DNAH2: variants seen among roughly 807,000 people sequenced by gnomAD.
The protein encoded by DNAH2 is dynein axonemal heavy chain 2.
A neutral mutation model predicts 523.5 loss-of-function variants in DNAH2; 323 were observed. The observed-to-expected ratio is 0.62, with a 90% confidence interval of 0.56 to 0.68. The LOEUF (loss-of-function observed/expected upper bound fraction) is 0.68, where lower values mean the gene tolerates loss of function less well. DNAH2 is among the 30% of genes least tolerant of loss of function. The pLI is 0.00. For missense variants in DNAH2, 4,907 were observed against 5,701.5 expected (o/e 0.86, Z 4.49); for synonymous variants, 2,093 against 2,177.4 (o/e 0.96, Z 1.08).
intron 67 of DNAH2, 26 bp from the exon 68 acceptor site, chr17:7,817,919 TC>T (rs748159697): frequency 3.1e-6 from 5 of 1,613,980 alleles, no homozygotes; most frequent in East Asian, 2.2e-5. Flanking sequence ...CCCGTAGTGT[TC>T]CTTCACCTTC....
At chr17:7,755,319 G>A (rs1475792875) in intron 12 of DNAH2, among the ~76,000 whole-genome samples, 1 of 147,628 alleles carries the variant, frequency 6.8e-6, no homozygotes, top group African/African-American at 2.5e-5. Flanking sequence ...GCCAAGCTGT[G>A]TGGTCATGTG....
intron 9 of DNAH2, 48 bp downstream of exon 9, chr17:7,739,986 C>A (rs2075260981): frequency 6.3e-7 from 1 of 1,598,860 alleles, no homozygotes; most frequent in Non-Finnish European, 8.5e-7. Context: ...GAAGGCAGAT[C>A]AGGCAGCCAA....
At chr17:7,766,929 T>G (rs1327908964) in intron 22 of DNAH2, among the ~76,000 whole-genome samples, 1 of 152,054 alleles carries the variant, frequency 6.6e-6, no homozygotes, top group Non-Finnish European at 1.5e-5. Flanking sequence ...GGATTACAGG[T>G]GTGAGCCACC....
chr17:7,741,266 CTT>C (rs2075317101), intron 11 of DNAH2, among the ~76,000 whole-genome samples: 4 of 47,054 alleles, frequency 8.5e-5, no homozygotes, highest in African/African-American at 3.7e-4. Flanking sequence ...TTCTTTCTTT[CTT>C]TCTTTCTTTC....
chr17:7,723,795 T>C, intron 3 of DNAH2, 106 bp downstream of exon 3: 1 of 976,202 alleles, frequency 1.0e-6, no homozygotes, highest in Non-Finnish European at 1.6e-6. Flanking sequence ...CTGCCACTTC[T>C]TCTACTTGCT....
chr17:7,821,102 C>A lies in DNAH2; in HGVS notation c.11016-141C>A. ...TCTTGTGTCTAGGCCCCTGAGTCCT[C>A]AGCTGTTTCCAGGAGGTTAGGATTA... On this transcript the variant is annotated intron_variant, in intron 72 of 85. Transcript: ENST00000572933. This position sits in a 1 kb window ranked among gnomAD's most constrained non-coding sequence, Gnocchi z 5.0. The A allele has an allele frequency of 8.4e-7, 1 of 1,189,218 alleles. No individual in the cohort carries two copies. The highest frequency in any genetic ancestry group is 1.7e-5 in the South Asian group (1 of 58,172). The allele number at this position is 1,189,218 out of a possible 1,614,324, so 73.7% of individuals were successfully genotyped here. A position where few individuals can be genotyped will look rare whatever the true frequency, so the allele number is the denominator to read the frequency against.
At position 7,760,991 on chromosome 17, in the gene DNAH2, G is replaced by T. The variant is rs2075989832; in HGVS notation, c.2978+59G>T. ...TAGGAGGCACAGCACTGCAGGAGGA[G>T]CCCAGGCCTAGAGTCTTGGGAAGTG... On this transcript the variant is annotated intron_variant, in intron 18 of 85. Coordinates refer to ENST00000572933, the MANE Select transcript of DNAH2 (RefSeq NM_020877.5). This position sits in a 1 kb window ranked among gnomAD's most constrained non-coding sequence, Gnocchi z 4.0. The T allele has an allele frequency of 5.7e-6, 9 of 1,591,936 alleles. No individual in the cohort carries two copies. Among genetic ancestry groups the T allele is most frequent in the African/African-American group, 1.3e-5 (1 of 74,440 alleles).
chr17:7,734,233 G>A lies in DNAH2; in HGVS notation c.679G>A (p.Ala227Thr). ...CACGGTCCTCTACATCCCTGCAGAG[G>A]CCATGAACATGAAGCCTGAGATGGT... ...GHTVLYIPAE[A>T]MNMKPEMVIK... is the part of the protein sequence containing the mutation. Residue 227 changes from alanine (A) to threonine (T), a missense_variant, in exon 6 of 86, where the codon GCC (alanine) becomes ACC (threonine). Physicochemically the swap from Ala to Thr is moderately conservative, Grantham distance 58 (BLOSUM62 0). Around this residue, in one of 3 missense-constraint regions of DNAH2, gnomAD observed 2,806 missense variants for 3,190.8 expected, o/e 0.88. Transcript: ENST00000572933. The A allele has an allele frequency of 6.2e-7, 1 of 1,606,846 alleles. No individual in the cohort carries two copies. Among genetic ancestry groups the A allele is most frequent in the Non-Finnish European group, 8.5e-7 (1 of 1,176,516 alleles).
intron 18 of DNAH2, among the ~76,000 whole-genome samples, chr17:7,762,331 CTTTTTTTTT>C (rs35824439): frequency 8.9e-6 from 1 of 111,834 alleles, no homozygotes; most frequent in Non-Finnish European, 1.8e-5. Flanking sequence ...CGTAGGATTT[CTTTTTTTTT>C]TTTTTTTTTT....
At chr17:7,800,261 G>A (rs560717700) in intron 56 of DNAH2, among the ~76,000 whole-genome samples, 3 of 152,194 alleles carry the variant, frequency 2.0e-5, no homozygotes, top group South Asian at 2.1e-4. Flanking sequence ...ATGTTGGTCT[G>A]GCTGATCTCA....
chr17:7,732,620 G>A (rs575558567), intron 4 of DNAH2, among the ~76,000 whole-genome samples: 1 of 152,136 alleles, frequency 6.6e-6, no homozygotes, highest in East Asian at 1.9e-4. Flanking sequence ...AACCACAAAA[G>A]CCATAAGCAA....
intron 3 of DNAH2, among the ~76,000 whole-genome samples, chr17:7,725,359 G>C (rs2074765137): frequency 6.7e-6 from 1 of 148,838 alleles, no homozygotes; most frequent in Non-Finnish European, 1.5e-5. Flanking sequence ...CAAAGTGCTG[G>C]GATTACAGGT....
At position 7,760,730 on chromosome 17, in the gene DNAH2, T is replaced by G. The variant is rs2075981343; in HGVS notation, c.2786-10T>G. The G allele has an allele frequency of 6.2e-7, 1 of 1,610,200 alleles. No homozygotes were observed. Among genetic ancestry groups the G allele is most frequent in the Non-Finnish European group, 8.5e-7 (1 of 1,177,490 alleles). On this transcript the variant is annotated splice_polypyrimidine_tract_variant and intron_variant, in intron 17 of 85. Transcript: ENST00000572933. The surrounding 1 kb of genome is among the most constrained non-coding windows in gnomAD (Gnocchi z 4.0). ...AGTCAGTGAGAAGCATCTTTCTTGG[T>G]CCTTTGAAGAGCAAGATGAGGACAT...
At chr17:7,781,292 T>G in intron 39 of DNAH2, 125 bp downstream of exon 39, 1 of 1,093,602 alleles carries the variant, frequency 9.1e-7, no homozygotes, top group Non-Finnish European at 1.4e-6. Flanking sequence ...CTGGGCAACA[T>G]GGTGAAACCC....
At chr17:7,761,095 A>C (rs1301832723) in intron 18 of DNAH2, among the ~76,000 whole-genome samples, 163 bp downstream of exon 18, 1 of 152,122 alleles carries the variant, frequency 6.6e-6, no homozygotes. Flanking sequence ...TTTGCTTCTC[A>C]AGGGGTAGAG....
At position 7,799,233 on chromosome 17, in the gene DNAH2, A is replaced by T; in HGVS notation, c.8690A>T (p.Asp2897Val). The T allele has an allele frequency of 6.2e-7, 1 of 1,614,118 alleles. No individual in the cohort carries two copies. Among genetic ancestry groups the T allele is most frequent in the Non-Finnish European group, 8.5e-7 (1 of 1,180,010 alleles). ...HIVLCLSPMGDPFRNWIRQYP... is the reference protein window; with the variant it reads ...HIVLCLSPMGVPFRNWIRQYP... Reference sequence around the variant, plus strand: ...GTGCTCTGCCTCAGCCCCATGGGGGATCCCTTCAGGTGACTTCTGTGACAT... The same window carrying T: ...GTGCTCTGCCTCAGCCCCATGGGGGTTCCCTTCAGGTGACTTCTGTGACAT... The change falls in exon 56 of 86, where the codon GAT becomes GTT. Residue 2897 changes from aspartate to valine, a missense_variant. Asp to Val is a radical substitution (Grantham distance 152). This residue lies in a region of DNAH2 where 1,851 missense variants were observed against 2,139.4 expected (regional missense o/e 0.87). Coordinates refer to ENST00000572933, the MANE Select transcript of DNAH2 (RefSeq NM_020877.5).
chr17:7,757,093 C>G lies in DNAH2; in HGVS notation c.1907C>G (p.Ser636Cys). The G allele has an allele frequency of 6.2e-7, 1 of 1,614,134 alleles. No homozygotes were observed. The highest frequency in any genetic ancestry group is 8.5e-7 in the Non-Finnish European group (1 of 1,180,000). ...AGMLDVNFDKSLLILFAEIDY... is the reference protein window; with the variant it reads ...AGMLDVNFDKCLLILFAEIDY... The stretch of plus-strand genomic sequence containing the variant: ...TGCCTGGCTGCTCTCTCTCAAAGGT[C>G]CCTTCTGATTCTCTTTGCGGAAATT... Residue 636 changes from serine to cysteine, a missense_variant and splice_region_variant, in exon 13 of 86, where the codon TCC becomes TGC. Ser to Cys is a moderately radical substitution (Grantham distance 112). Coordinates refer to ENST00000572933, the MANE Select transcript of DNAH2 (RefSeq NM_020877.5).
intron 21 of DNAH2, 137 bp from the exon 22 acceptor site, chr17:7,766,181 G>A (rs538219680): frequency 2.7e-5 from 24 of 873,866 alleles, no homozygotes; most frequent in South Asian, 5.7e-5. Context: ...CTTTCAACGC[G>A]TTCCCTCTTA....
intron 65 of DNAH2, 51 bp from the exon 66 acceptor site, chr17:7,817,510 G>A (rs780943848): frequency 6.2e-7 from 1 of 1,613,604 alleles, no homozygotes; most frequent in Non-Finnish European, 8.5e-7. Flanking sequence ...AGGCGCGGGG[G>A]CTGCTGGGCT....
Sources: gnomAD v4.1 joint callset for allele counts (sites outside exome capture counted in the v4.1 genomes callset) on GRCh38, gnomAD v4.1.1 for gene constraint, gnomAD v4.1.1 regional missense constraint, Gnocchi (gnomAD v3.1) non-coding constraint, MANE v1.5 for transcripts, NCBI Gene and HGNC (gene_info 2026-07-23, HGNC 2026-07-21) for gene names.